Variants in MUSK observed in about 807,000 individuals in gnomAD.
MUSK encodes the protein muscle associated receptor tyrosine kinase.
In MUSK, 55 loss-of-function variants were observed where a neutral mutation model predicts 88.7. That is an observed-to-expected ratio of 0.62 (90% CI 0.50 to 0.78). MUSK has a LOEUF of 0.78. MUSK is among the 30% of genes least tolerant of loss of function. The pLI, the probability that MUSK is intolerant of heterozygous loss-of-function variation, is 0.00. For synonymous variants in MUSK, 387 were observed against 391.9 expected (o/e 0.99, Z 0.15); for missense variants, 1,015 against 1,074.3 (o/e 0.94, Z 0.77).
chr9:110,798,390 G>A (rs1236157121), intron 14 of MUSK, among the ~76,000 whole-genome samples: 1 of 152,138 alleles, frequency 6.6e-6, no homozygotes, highest in Non-Finnish European at 1.5e-5. Flanking sequence ...AAAGAAATAT[G>A]CAGAATTTTA....
intron 1 of MUSK, among the ~76,000 whole-genome samples, chr9:110,673,159 T>C (rs905308932): frequency 6.6e-6 from 1 of 152,204 alleles, no homozygotes; most frequent in African/African-American, 2.4e-5. Context: ...ATATGGACAA[T>C]GTGGACTTGG....
chr9:110,759,913 G>A (rs10980560), intron 7 of MUSK, among the ~76,000 whole-genome samples: 63,961 of 151,920 alleles, frequency 0.42, 13,934 homozygotes, highest in Middle Eastern at 0.49. Context: ...GCACATGCCT[G>A]TAATCCCAGC....
At chr9:110,800,048 A>C (rs991639550) in intron 14 of MUSK, among the ~76,000 whole-genome samples, 2 of 152,226 alleles carry the variant, frequency 1.3e-5, no homozygotes, top group Admixed American at 6.5e-5. Context: ...ACAAGTGCCC[A>C]GGACAACAGC....
At chr9:110,797,152 C>G (rs1478374702) in intron 14 of MUSK, among the ~76,000 whole-genome samples, 1 of 42,640 alleles carries the variant, frequency 2.3e-5, no homozygotes, top group South Asian at 9.4e-4. Flanking sequence ...AAAATAAATG[C>G]ATGAATACCC....
At chr9:110,711,361 A>G (rs1367599795) in intron 5 of MUSK, among the ~76,000 whole-genome samples, 2 of 152,192 alleles carry the variant, frequency 1.3e-5, no homozygotes, top group Non-Finnish European at 2.9e-5. Flanking sequence ...TGTCCCTTTT[A>G]GTGAACTAAG....
intron 1 of MUSK, among the ~76,000 whole-genome samples, chr9:110,673,231 G>A (rs1229578075): frequency 1.3e-5 from 2 of 152,156 alleles, no homozygotes; most frequent in Non-Finnish European, 2.9e-5. Context: ...TGCATAATCA[G>A]TATGATCTTG....
At chr9:110,710,762 G>T (rs2076657901) in intron 5 of MUSK, among the ~76,000 whole-genome samples, 1 of 152,016 alleles carries the variant, frequency 6.6e-6, no homozygotes, top group Admixed American at 6.6e-5. Flanking sequence ...ACATAAAAGT[G>T]AAGGCGGCCT....
intron 4 of MUSK, among the ~76,000 whole-genome samples, chr9:110,696,057 G>A (rs2076426472): frequency 6.6e-6 from 1 of 152,034 alleles, no homozygotes; most frequent in Admixed American, 6.6e-5. Context: ...GGATGCCAAG[G>A]CCTGAGGTCA....
intron 5 of MUSK, among the ~76,000 whole-genome samples, chr9:110,712,788 A>G (rs2076688990): frequency 1.3e-5 from 2 of 152,188 alleles, no homozygotes; most frequent in Non-Finnish European, 2.9e-5. Context: ...AATGCCTACT[A>G]TGTTCTATGC....
chr9:110,777,975 A>G (rs1319144091), intron 11 of MUSK, among the ~76,000 whole-genome samples: 1 of 152,156 alleles, frequency 6.6e-6, no homozygotes, highest in African/African-American at 2.4e-5. Context: ...TATTATTAAA[A>G]GAGTTGGCTT....
At chr9:110,697,065 T>A (rs1234737131) in intron 4 of MUSK, among the ~76,000 whole-genome samples, 5 of 148,250 alleles carry the variant, frequency 3.4e-5, no homozygotes, top group African/African-American at 1.2e-4. Flanking sequence ...ATTATATATA[T>A]AATATATATA....
At chr9:110,669,062 A>T in intron 1 of MUSK, 79 bp downstream of exon 1, 4 of 1,250,670 alleles carry the variant, frequency 3.2e-6, no homozygotes, top group Non-Finnish European at 4.7e-6. Flanking sequence ...ACCAAGACTG[A>T]TTTATAGTAT....
chr9:110,695,974 C>T (rs1232537039), intron 4 of MUSK, among the ~76,000 whole-genome samples: 3 of 152,096 alleles, frequency 2.0e-5, no homozygotes, highest in African/African-American at 7.2e-5. Context: ...AGACTCAAGA[C>T]TCATACACAA....
chr9:110,710,146 T>A (rs1301204998), intron 5 of MUSK, among the ~76,000 whole-genome samples: 2 of 152,200 alleles, frequency 1.3e-5, no homozygotes, highest in Non-Finnish European at 2.9e-5. Context: ...TTCCACTACC[T>A]ATTCCGATTC....
intron 5 of MUSK, among the ~76,000 whole-genome samples, chr9:110,720,144 T>C (rs1364699775): frequency 3.3e-5 from 5 of 151,772 alleles, no homozygotes; most frequent in Non-Finnish European, 7.4e-5. Context: ...AAAAAGCACA[T>C]ATAGACAATC....
At chr9:110,741,193 A>C (rs946566139) in intron 6 of MUSK, among the ~76,000 whole-genome samples, 2 of 152,206 alleles carry the variant, frequency 1.3e-5, no homozygotes, top group African/African-American at 4.8e-5. Flanking sequence ...GCTTGATTGC[A>C]GTAATCATTT....
intron 8 of MUSK, 93 bp downstream of exon 8, chr9:110,762,301 C>A: frequency 9.9e-7 from 1 of 1,007,340 alleles, no homozygotes; most frequent in Non-Finnish European, 1.3e-6. Context: ...TCTTGTGTTG[C>A]CCAGGCTGGA....
At chr9:110,777,216 A>G (rs1019410883) in intron 11 of MUSK, among the ~76,000 whole-genome samples, 11 of 152,182 alleles carry the variant, frequency 7.2e-5, no homozygotes, top group African/African-American at 2.7e-4. Context: ...GTCGTACAAA[A>G]TAACTTGTAT....
chr9:110,789,333 C>T (rs937618346), intron 14 of MUSK, among the ~76,000 whole-genome samples: 2 of 152,128 alleles, frequency 1.3e-5, no homozygotes, highest in Non-Finnish European at 2.9e-5. Context: ...TGCTGACAGA[C>T]CAAATATGAG....
Sources: allele counts gnomAD v4.1 joint callset (sites outside exome capture counted in the v4.1 genomes callset), GRCh38; gene constraint gnomAD v4.1.1; transcripts MANE v1.5; gene names NCBI Gene and HGNC (gene_info 2026-07-23, HGNC 2026-07-21).